The following HYDIN variants were observed in gnomAD, a reference collection of about 807,000 sequenced individuals.
The protein encoded by HYDIN is axonemal central pair apparatus protein HYDIN.
Under a neutral mutation model 403.9 loss-of-function variants are expected in HYDIN, and 132 were observed. That is an observed-to-expected ratio of 0.33 (90% CI 0.28 to 0.38). The LOEUF is 0.38. HYDIN is among the 10% of genes least tolerant of loss of function. The probability of loss-of-function intolerance (pLI) is 1.00; values close to 1 mark genes in which losing one functional copy is unlikely to be tolerated. For missense variants in HYDIN, 2,827 were observed against 5,009.5 expected, an observed-to-expected ratio of 0.56 and a Z score of 13.15; for synonymous variants, 1,202 against 1,891.7, an observed-to-expected ratio of 0.64 and a Z score of 9.46.
intron 5 of HYDIN, among the ~76,000 whole-genome samples, chr16:71,175,274 C>T (rs771518221): frequency 2.0e-5 from 3 of 151,964 alleles, no homozygotes; most frequent in Non-Finnish European, 4.4e-5. Flanking sequence ...AGCACCATCA[C>T]CCACCACTAC....
chr16:70,983,879 T>A (rs1187900621), intron 28 of HYDIN, among the ~76,000 whole-genome samples: 2 of 152,106 alleles, frequency 1.3e-5, no homozygotes, highest in Non-Finnish European at 2.9e-5. Context: ...ATCATAATAG[T>A]AAATATTAAC....
chr16:71,000,222 T>C (rs1334929135), intron 23 of HYDIN, among the ~76,000 whole-genome samples: 1 of 152,086 alleles, frequency 6.6e-6, no homozygotes, highest in Non-Finnish European at 1.5e-5. Flanking sequence ...ACTGATAGTT[T>C]CCGCTGATTT....
At chr16:71,053,937 A>G (rs2081763464) in intron 18 of HYDIN, among the ~76,000 whole-genome samples, 3 of 152,300 alleles carry the variant, frequency 2.0e-5, no homozygotes, top group Admixed American at 1.3e-4. Flanking sequence ...CTTCTATGGT[A>G]GAACAGACAG....
intron 12 of HYDIN, among the ~76,000 whole-genome samples, chr16:71,087,515 G>A (rs559022274): frequency 7.3e-6 from 1 of 137,706 alleles, no homozygotes; most frequent in African/African-American, 2.8e-5. Context: ...ACATTCCGAG[G>A]TACTGGGTGT....
At chr16:71,170,023 G>A (rs1411378826) in intron 5 of HYDIN, among the ~76,000 whole-genome samples, 2 of 152,102 alleles carry the variant, frequency 1.3e-5, no homozygotes, top group Non-Finnish European at 2.9e-5. Flanking sequence ...AATGTCAAGG[G>A]GAGGCTACTA....
At chr16:70,995,566 T>C (rs1324586691) in intron 23 of HYDIN, among the ~76,000 whole-genome samples, 1 of 152,194 alleles carries the variant, frequency 6.6e-6, no homozygotes, top group Non-Finnish European at 1.5e-5. Context: ...ACTTCTTTCC[T>C]GTCCTTTCTT....
In HYDIN at chr16:70,909,831, G is replaced by T. The variant is rs1597294280; in HGVS notation, c.8005-970C>A. Among the ~76,000 whole-genome samples, 3 of 151,492 alleles carry T rather than the reference G, an allele frequency of 2.0e-5. No individual in the cohort carries two copies. In the South Asian group the frequency reaches 6.3e-4, roughly 32 times the overall value. ...CTGCCTCAGCCTCTGAAGTAGCTGG[G>T]ACTACAGGCGCCTGCCACCACGCCT... On this transcript the variant is annotated intron_variant, in intron 47 of 85. Transcript: ENST00000393567.
Position 70,894,969 on chromosome 16 carries a change from T to C in HYDIN, c.9149-421A>G, listed in dbSNP as rs193025895. On this transcript the variant is annotated intron_variant, in intron 54 of 85. Coordinates refer to ENST00000393567, the MANE Select transcript of HYDIN (RefSeq NM_001270974.2). Reference sequence around the variant, plus strand: ...TGTGGCTGCATAATATCCCACGATATGGTGGTTCCATAATTCATGATATTA... The same window carrying C: ...TGTGGCTGCATAATATCCCACGATACGGTGGTTCCATAATTCATGATATTA... 4.8e-3 allele frequency among the ~76,000 whole-genome samples: 726 copies of C among 152,380 alleles called. 8 individuals are homozygous for C. The highest frequency in any genetic ancestry group is 0.034 in the Middle Eastern group (10 of 294).
chr16:71,161,737 T>C (rs2086010220), intron 6 of HYDIN, among the ~76,000 whole-genome samples: 1 of 151,242 alleles, frequency 6.6e-6, no homozygotes, highest in Non-Finnish European at 1.5e-5. Context: ...TTTAATTATA[T>C]CTGCAATATT....
chr16:71,182,733 T>C (rs1407283826), intron 3 of HYDIN, among the ~76,000 whole-genome samples: 1 of 152,098 alleles, frequency 6.6e-6, no homozygotes, highest in Admixed American at 6.6e-5. Flanking sequence ...GATATAAATA[T>C]AAAAGTAAAC....
intron 30 of HYDIN, among the ~76,000 whole-genome samples, chr16:70,976,625 G>A (rs1275570329): frequency 1.3e-5 from 2 of 150,772 alleles, no homozygotes; most frequent in South Asian, 2.1e-4. Flanking sequence ...TATACGAGAC[G>A]TTACTGCTGG....
chr16:70,955,683 G>T (rs952383014), intron 39 of HYDIN, 135 bp from the exon 40 acceptor site: 24 of 559,616 alleles, frequency 4.3e-5, no homozygotes, highest in African/African-American at 3.6e-4. Flanking sequence ...GTGGCTGGAG[G>T]TGTTAGCAGC....
rs370208972 is a variant in HYDIN, at chr16:71,199,463, T to A, written c.-23-12545A>T. On this transcript the variant is annotated intron_variant, in intron 1 of 85. Transcript: ENST00000393567. ...CCAAAAGGCTGCCCATCCACTTAAG[T>A]CTCACAGCTCTTCCTTGAAATTTTC... 3.5e-4 allele frequency among the ~76,000 whole-genome samples: 53 copies of A among 152,254 alleles called. No individual in the cohort carries two copies. In the South Asian group the frequency reaches 0.01, roughly 30 times the overall value.
intron 67 of HYDIN, among the ~76,000 whole-genome samples, chr16:70,864,877 G>A (rs549698809): frequency 6.6e-6 from 1 of 152,224 alleles, no homozygotes; most frequent in Non-Finnish European, 1.5e-5. Flanking sequence ...GCCACAGATA[G>A]GTCATAAATG....
At chr16:70,960,685 C>T (rs1230446750) in intron 38 of HYDIN, among the ~76,000 whole-genome samples, 1 of 152,140 alleles carries the variant, frequency 6.6e-6, no homozygotes, top group Non-Finnish European at 1.5e-5. Context: ...ACAGGTCTAG[C>T]TCATTCTGTT....
intron 23 of HYDIN, among the ~76,000 whole-genome samples, chr16:71,003,145 A>G (rs867168529): frequency 9.2e-5 from 14 of 152,202 alleles, no homozygotes; most frequent in Admixed American, 4.6e-4. Context: ...CTATTTGCCT[A>G]TCTGTGCACA....
chr16:71,230,690 G>C lies in HYDIN; in HGVS notation c.-152C>G, dbSNP rs768215197. On this transcript the variant is annotated 5_prime_UTR_variant, in exon 1 of 86. Transcript: ENST00000393567. ...TTGAAGCCGCCCGCACTCTCCATGC[G>C]CCGCCCGAGCTGTTGCCGTCCGTTG... 2 of 1,535,934 alleles carry C rather than the reference G, an allele frequency of 1.3e-6. No homozygotes were observed. The highest frequency in any genetic ancestry group is 2.7e-5 in the African/African-American group (2 of 73,026).
In HYDIN at chr16:71,175,308, A is replaced by G. The variant is rs912933487; in HGVS notation, c.516+299T>C. 2.0e-5 allele frequency among the ~76,000 whole-genome samples: 3 copies of G among 152,020 alleles called. No individual in the cohort carries two copies. In the South Asian group the frequency reaches 6.2e-4, roughly 32 times the overall value. On this transcript the variant is annotated intron_variant, in intron 5 of 85. Transcript: ENST00000393567. ...ACCCACCAACACTACTAATAGTAAC[A>G]ACACCAGTACCAACATCAATAACAC... is the stretch of plus-strand genomic sequence containing the variant.
In HYDIN at chr16:70,806,210, G is replaced by T. The variant is rs2035099258; in HGVS notation, c.*1370C>A. On this transcript the variant is annotated 3_prime_UTR_variant, in exon 86 of 86. Coordinates refer to ENST00000393567, the MANE Select transcript of HYDIN (RefSeq NM_001270974.2). ...GTGCCTAATTTATAAATTAATCAAA[G>T]GTATGTATGTAAAGGAAAATACCAC... 6.6e-6 allele frequency among the ~76,000 whole-genome samples: 1 copy of T among 152,052 alleles called. No homozygotes were observed.
Sources: allele counts gnomAD v4.1 joint callset (sites outside exome capture counted in the v4.1 genomes callset), GRCh38; gene constraint gnomAD v4.1.1; transcripts MANE v1.5; gene names NCBI Gene and HGNC (gene_info 2026-07-23, HGNC 2026-07-21).